Variants in AGBL1 observed in about 807,000 individuals in gnomAD.
The protein encoded by AGBL1 is cytosolic carboxypeptidase 4.
A neutral mutation model predicts 118.9 loss-of-function variants in AGBL1; 130 were observed. The observed-to-expected ratio is 1.09, with a 90% CI of 0.95 to 1.26. The LOEUF is 1.26. AGBL1 is among the 50% of genes most tolerant of loss of function. The probability of loss-of-function intolerance (pLI) is 0.00; values close to 1 mark genes in which losing one functional copy is unlikely to be tolerated. For synonymous variants in AGBL1, 555 were observed against 478.9 expected (o/e 1.16, Z -2.08); for missense variants, 1,584 against 1,298.1 (o/e 1.22, Z -3.38).
chr15:86,310,971 T>C (rs2079911591), intron 17 of AGBL1, among the ~76,000 whole-genome samples: 1 of 152,230 alleles, frequency 6.6e-6, no homozygotes, highest in Admixed American at 6.5e-5. Flanking sequence ...CTTAGCTTTA[T>C]GCAGGGATTT....
intron 5 of AGBL1, among the ~76,000 whole-genome samples, chr15:86,166,246 T>C (rs2077339917): frequency 6.6e-6 from 1 of 152,220 alleles, no homozygotes; most frequent in African/African-American, 2.4e-5. Context: ...CCTGTCTCAA[T>C]GTTAAGTGCT....
At chr15:86,097,970 C>G (rs187204191) in intron 1 of AGBL1, among the ~76,000 whole-genome samples, 1 of 152,252 alleles carries the variant, frequency 6.6e-6, no homozygotes, top group African/African-American at 2.4e-5. Context: ...TGCATCCTCA[C>G]TAGCATCTGA....
intron 24 of AGBL1, among the ~76,000 whole-genome samples, chr15:87,006,638 C>T (rs960249361): frequency 6.6e-6 from 1 of 152,182 alleles, no homozygotes; most frequent in Non-Finnish European, 1.5e-5. Flanking sequence ...CCTTGCACTT[C>T]CCGGGTGAGG....
intron 22 of AGBL1, among the ~76,000 whole-genome samples, chr15:86,781,382 T>C (rs1240451942): frequency 6.6e-6 from 1 of 152,226 alleles, no homozygotes; most frequent in Non-Finnish European, 1.5e-5. Context: ...TGTTTATAGG[T>C]TTCCCTTAAT....
At chr15:86,223,287 C>G (rs117269773) in intron 5 of AGBL1, among the ~76,000 whole-genome samples, 2 of 152,316 alleles carry the variant, frequency 1.3e-5, no homozygotes, top group Non-Finnish European at 2.9e-5. Context: ...GGCCTCTGAA[C>G]TAGGATTGGG....
chr15:86,785,379 G>T (rs12911208), intron 22 of AGBL1, among the ~76,000 whole-genome samples: 62,946 of 121,580 alleles, frequency 0.52, 15,502 homozygotes, highest in Non-Finnish European at 0.57. Flanking sequence ...TTTTTTTTTT[G>T]TTTTTGTTTT....
intron 16 of AGBL1, 79 bp from the exon 17 acceptor site, chr15:86,295,176 T>C: frequency 1.4e-6 from 2 of 1,479,552 alleles, no homozygotes; most frequent in Admixed American, 1.9e-5. Flanking sequence ...CTAAACTATA[T>C]GTAAGCCGTT....
At chr15:86,247,502 G>A (rs1330675647) in intron 6 of AGBL1, among the ~76,000 whole-genome samples, 169 bp from the exon 7 acceptor site, 3 of 152,234 alleles carry the variant, frequency 2.0e-5, no homozygotes, top group African/African-American at 7.2e-5. Context: ...TACTGGGGAT[G>A]TTAACTTTGA....
In AGBL1 at chr15:86,371,461, A is replaced by G. The variant is rs542764964; in HGVS notation, c.2375-25905A>G. Among the ~76,000 whole-genome samples, 6 of 152,278 alleles carry G rather than the reference A, an allele frequency of 3.9e-5. No homozygotes were observed. In the East Asian group the frequency reaches 9.7e-4, roughly 25 times the overall value. Reference sequence around the variant, plus strand: ...CCTGTCCTCTGCATGTACTTCATATATATCATATGTTTTTATTATATATAG... The same window carrying G: ...CCTGTCCTCTGCATGTACTTCATATGTATCATATGTTTTTATTATATATAG... On this transcript the variant is annotated intron_variant, in intron 17 of 22. Coordinates refer to ENST00000614907, the MANE Select transcript of AGBL1 (RefSeq NM_001386094.1).
intron 24 of AGBL1, among the ~76,000 whole-genome samples, chr15:87,018,492 A>AT (rs375391875): frequency 2.1e-4 from 32 of 151,378 alleles, no homozygotes; most frequent in Non-Finnish European, 4.3e-4. Context: ...CAACCCAGAA[A>AT]TTTATGTCTG....
At chr15:86,567,283 T>C (rs755410591) in intron 21 of AGBL1, among the ~76,000 whole-genome samples, 12 of 152,346 alleles carry the variant, frequency 7.9e-5, no homozygotes, top group Non-Finnish European at 1.5e-4. Context: ...CTAATATCCA[T>C]ATACCTGTAT....
chr15:86,230,559 T>C (rs1243684558), intron 6 of AGBL1, among the ~76,000 whole-genome samples: 1 of 152,224 alleles, frequency 6.6e-6, no homozygotes, highest in Non-Finnish European at 1.5e-5. Context: ...CTGCCCTGCC[T>C]TGATGAGAAT....
chr15:86,665,860 T>C (rs1300954785), intron 21 of AGBL1, among the ~76,000 whole-genome samples: 1 of 152,148 alleles, frequency 6.6e-6, no homozygotes, highest in African/African-American at 2.4e-5. Context: ...TCCTGTTGCC[T>C]GAAGGGCTCC....
chr15:87,029,664 A>G (rs1168525867), downstream of AGBL1, among the ~76,000 whole-genome samples: 8 of 152,008 alleles, frequency 5.3e-5, no homozygotes, highest in Admixed American at 3.9e-4. Flanking sequence ...TTTAAAGTCA[A>G]AGAGATAGTC....
intron 5 of AGBL1, among the ~76,000 whole-genome samples, chr15:86,200,035 A>G (rs573784001): frequency 4.6e-5 from 7 of 152,326 alleles, no homozygotes; most frequent in African/African-American, 1.7e-4. Flanking sequence ...TTTACAACAT[A>G]AAGATTATTC....
At chr15:86,124,132 C>T (rs111854106) in intron 1 of AGBL1, among the ~76,000 whole-genome samples, 47 of 152,114 alleles carry the variant, frequency 3.1e-4, no homozygotes, top group African/African-American at 1.0e-3. Flanking sequence ...GAGTTCAAGA[C>T]CAGCCTGGCC....
chr15:86,675,964 T>G (rs933613681), intron 22 of AGBL1, among the ~76,000 whole-genome samples: 1 of 152,204 alleles, frequency 6.6e-6, no homozygotes, highest in Non-Finnish European at 1.5e-5. Flanking sequence ...TTTAAAGAAT[T>G]TGATGTCAGG....
At chr15:86,683,648 C>T (rs754855687) in intron 22 of AGBL1, among the ~76,000 whole-genome samples, 3 of 152,112 alleles carry the variant, frequency 2.0e-5, no homozygotes, top group Non-Finnish European at 2.9e-5. Context: ...GCCTATGAAA[C>T]TATAAATACC....
intron 9 of AGBL1, 67 bp downstream of exon 9, chr15:86,258,098 C>A (rs1186408622): frequency 1.3e-6 from 2 of 1,509,646 alleles, no homozygotes; most frequent in Admixed American, 4.0e-5. Flanking sequence ...AATATTACTT[C>A]CTGTGTTTGC....
Sources: allele counts gnomAD v4.1 joint callset (sites outside exome capture counted in the v4.1 genomes callset), GRCh38; gene constraint gnomAD v4.1.1; transcripts MANE v1.5; gene names NCBI Gene and HGNC (gene_info 2026-07-23, HGNC 2026-07-21).